Variants in EPB41L2 observed in about 807,000 individuals in gnomAD.
EPB41L2 encodes band 4.1-like protein 2.
A neutral mutation model predicts 113.0 loss-of-function variants in EPB41L2; 43 were observed. The ratio of observed to expected loss-of-function variants is 0.38; its 90% CI spans 0.30 to 0.49. EPB41L2 has a LOEUF of 0.49. Among genes scored for constraint, EPB41L2 ranks in the 20% least tolerant of loss-of-function variants. The pLI, the probability that EPB41L2 is intolerant of heterozygous loss-of-function variation, is 0.95. For missense variants in EPB41L2, 1,147 were observed against 1,223.4 expected (o/e 0.94, Z 0.93); for synonymous variants, 442 against 436.7 (o/e 1.01, Z -0.15).
chr6:131,003,232 G>A (rs1434731703), intron 1 of EPB41L2, among the ~76,000 whole-genome samples: 1 of 152,054 alleles, frequency 6.6e-6, no homozygotes, highest in East Asian at 1.9e-4. Context: ...TTTGTGAAAT[G>A]TACAAAAATA....
chr6:130,896,316 C>T (rs77708145), intron 8 of EPB41L2, among the ~76,000 whole-genome samples: 279 of 152,258 alleles, frequency 1.8e-3, no homozygotes, highest in African/African-American at 6.2e-3. Context: ...CTTTACTCAC[C>T]CTTATCTTGG....
chr6:131,039,513 CCT>C (rs1482880568), intron 1 of EPB41L2, among the ~76,000 whole-genome samples: 1 of 152,104 alleles, frequency 6.6e-6, no homozygotes, highest in African/African-American at 2.4e-5. Context: ...CTAACTTTAC[CCT>C]GTTTTTCCAT....
chr6:130,989,677 A>G (rs748784093), intron 1 of EPB41L2, among the ~76,000 whole-genome samples: 1 of 152,240 alleles, frequency 6.6e-6, no homozygotes, highest in Non-Finnish European at 1.5e-5. Context: ...TGGTTTGTCA[A>G]TTATTTGTCA....
chr6:130,865,116 G>A (rs533494526), intron 17 of EPB41L2, among the ~76,000 whole-genome samples: 18 of 152,324 alleles, frequency 1.2e-4, no homozygotes, highest in South Asian at 8.3e-4. Context: ...CCCCAAATCA[G>A]TATACTAGCG....
intron 1 of EPB41L2, among the ~76,000 whole-genome samples, chr6:130,972,935 T>TAAAAA (rs1777211156): frequency 2.1e-4 from 1 of 4,742 alleles, no homozygotes; most frequent in African/African-American, 1.0e-3. Context: ...CTACTAAAGA[T>TAAAAA]ACAAAAAAAA....
chr6:130,955,007 A>G (rs1023342573), intron 3 of EPB41L2, 98 bp downstream of exon 3: 10 of 1,025,414 alleles, frequency 9.8e-6, no homozygotes, highest in Admixed American at 4.2e-5. Context: ...ACTGTAATCA[A>G]CTGGCTTACA....
At chr6:130,870,654 T>C (rs533250976) in intron 14 of EPB41L2, among the ~76,000 whole-genome samples, 1 of 152,288 alleles carries the variant, frequency 6.6e-6, no homozygotes, top group African/African-American at 2.4e-5. Context: ...TTTACAAAAA[T>C]TGAATTATAC....
At chr6:130,866,463 G>A (rs975381122) in intron 16 of EPB41L2, among the ~76,000 whole-genome samples, 1 of 152,184 alleles carries the variant, frequency 6.6e-6, no homozygotes, top group African/African-American at 2.4e-5. Context: ...CTTGGGTCAT[G>A]CACCTGTATG....
intron 19 of EPB41L2, among the ~76,000 whole-genome samples, chr6:130,853,700 C>G (rs1779417668): frequency 6.6e-6 from 1 of 152,154 alleles, no homozygotes; most frequent in Admixed American, 6.5e-5. Context: ...TCTCCCCTCC[C>G]CCTACTTTCA....
At chr6:131,058,331 T>A (rs950511242) in intron 1 of EPB41L2, among the ~76,000 whole-genome samples, 3 of 152,142 alleles carry the variant, frequency 2.0e-5, no homozygotes, top group Admixed American at 6.5e-5. Flanking sequence ...CTAATTAAAA[T>A]TAATACTATC....
chr6:131,049,051 A>G (rs1796046362), intron 1 of EPB41L2, among the ~76,000 whole-genome samples: 1 of 152,276 alleles, frequency 6.6e-6, no homozygotes, highest in South Asian at 2.1e-4. Context: ...AGATGAAGGT[A>G]AAATGACCTC....
chr6:130,879,281 G>A (rs1469782694), intron 13 of EPB41L2, among the ~76,000 whole-genome samples: 1 of 152,106 alleles, frequency 6.6e-6, no homozygotes, highest in Non-Finnish European at 1.5e-5. Flanking sequence ...AAAAATCTTT[G>A]CATGGCATGG....
chr6:130,950,756 A>G (rs1207512427), intron 3 of EPB41L2, among the ~76,000 whole-genome samples: 1 of 152,216 alleles, frequency 6.6e-6, no homozygotes. Flanking sequence ...AATATATGCA[A>G]AAGTCCTAAA....
intron 1 of EPB41L2, among the ~76,000 whole-genome samples, chr6:131,008,903 G>C (rs1786256803): frequency 6.6e-6 from 1 of 152,174 alleles, no homozygotes; most frequent in Non-Finnish European, 1.5e-5. Context: ...ACTTGCTTTT[G>C]ATTTTACAGG....
At chr6:130,901,960 G>A (rs997035141) in intron 6 of EPB41L2, among the ~76,000 whole-genome samples, 1 of 152,184 alleles carries the variant, frequency 6.6e-6, no homozygotes, top group Non-Finnish European at 1.5e-5. Flanking sequence ...GCTCACTACG[G>A]TTATAAAAGA....
intron 19 of EPB41L2, among the ~76,000 whole-genome samples, chr6:130,842,873 C>T (rs1775942237): frequency 6.6e-6 from 1 of 152,126 alleles, no homozygotes; most frequent in Non-Finnish European, 1.5e-5. Flanking sequence ...CATTAATAAA[C>T]TTTTTTTCTG....
intron 1 of EPB41L2, among the ~76,000 whole-genome samples, chr6:131,027,070 C>T (rs1036057665): frequency 1.3e-5 from 2 of 152,032 alleles, no homozygotes; most frequent in African/African-American, 4.8e-5. Flanking sequence ...CTTTTACAGC[C>T]CTCATTCCAA....
chr6:131,053,148 G>A lies in EPB41L2; in HGVS notation c.-15+10007C>T, dbSNP rs567118374. Reference sequence around the variant, plus strand: ...TGACCTCAGGTGATCTGCCCGCCTCGGCCTCCCAAAGTGCTGGGATTACAG... The same window carrying A: ...TGACCTCAGGTGATCTGCCCGCCTCAGCCTCCCAAAGTGCTGGGATTACAG... On this transcript the variant is annotated intron_variant, in intron 1 of 19. Coordinates refer to ENST00000337057, the MANE Select transcript of EPB41L2 (RefSeq NM_001431.4). Among the ~76,000 whole-genome samples the A allele has an allele frequency of 1.1e-4, 17 of 151,814 alleles. 1 individual carries two copies. Among genetic ancestry groups the A allele is most frequent in the African/African-American group, 3.6e-4 (15 of 41,396 alleles).
At chr6:131,039,455 A>G (rs771629356) in intron 1 of EPB41L2, among the ~76,000 whole-genome samples, 2 of 152,226 alleles carry the variant, frequency 1.3e-5, no homozygotes, top group African/African-American at 2.4e-5. Flanking sequence ...ATAGCGAAAC[A>G]GTTTTATAGG....
Sources: gnomAD v4.1 joint callset for allele counts (sites outside exome capture counted in the v4.1 genomes callset) on GRCh38, gnomAD v4.1.1 for gene constraint, MANE v1.5 for transcripts, NCBI Gene and HGNC (gene_info 2026-07-23, HGNC 2026-07-21) for gene names.